The following CHCHD6 variants were observed in gnomAD, a reference collection of about 807,000 sequenced individuals.
The protein encoded by CHCHD6 is coiled-coil-helix-coiled-coil-helix domain containing 6, also known as MICOS complex subunit MIC25.
A neutral mutation model predicts 32.3 loss-of-function variants in CHCHD6; 28 were observed. The observed-to-expected ratio is 0.87, with a 90% CI of 0.64 to 1.19. The LOEUF (loss-of-function observed/expected upper bound fraction) is 1.19. Ranked by LOEUF, CHCHD6 falls within the 50% of genes most tolerant of loss-of-function variation. The pLI, the probability that CHCHD6 is intolerant of heterozygous loss-of-function variation, is 0.00. For synonymous variants in CHCHD6, 122 were observed against 117.5 expected (o/e 1.04, Z -0.25); for missense variants, 333 against 307.0 (o/e 1.08, Z -0.63).
At chr3:126,763,092 T>G (rs926965553) in intron 4 of CHCHD6, among the ~76,000 whole-genome samples, 3 of 152,208 alleles carry the variant, frequency 2.0e-5, no homozygotes, top group Admixed American at 1.3e-4. Context: ...TGTCCCTCAG[T>G]CCTTCATTTC....
chr3:126,899,180 A>G (rs2077884782), intron 5 of CHCHD6, among the ~76,000 whole-genome samples: 1 of 152,208 alleles, frequency 6.6e-6, no homozygotes, highest in Admixed American at 6.5e-5. Flanking sequence ...CAGGTGGCTA[A>G]ATGTTGAGAT....
chr3:126,868,156 C>T (rs925803809), intron 5 of CHCHD6, among the ~76,000 whole-genome samples: 1 of 152,218 alleles, frequency 6.6e-6, no homozygotes, highest in Admixed American at 6.5e-5. Flanking sequence ...GGTGGCATAA[C>T]CTAACTCAGT....
chr3:126,766,284 T>C (rs1193313578), intron 4 of CHCHD6: 1 of 313,316 alleles, frequency 3.2e-6, no homozygotes, highest in African/African-American at 2.1e-5. Context: ...ATTGGATCAC[T>C]TGTAAAATGG....
chr3:126,856,462 C>T (rs1380527265), intron 5 of CHCHD6, among the ~76,000 whole-genome samples: 1 of 152,232 alleles, frequency 6.6e-6, no homozygotes, highest in Non-Finnish European at 1.5e-5. Context: ...AGGTGAGACC[C>T]TCGACTGCTT....
At chr3:126,714,229 A>G (rs1576327386) in intron 1 of CHCHD6, among the ~76,000 whole-genome samples, 2 of 152,044 alleles carry the variant, frequency 1.3e-5, no homozygotes, top group South Asian at 4.2e-4. Context: ...GTGGCTGTGC[A>G]GTCTCATTAC....
chr3:126,953,251 A>C, intron 6 of CHCHD6: 1 of 496,114 alleles, frequency 2.0e-6, no homozygotes, highest in Non-Finnish European at 2.6e-6. Flanking sequence ...GACATCTGCC[A>C]GCTCCTTGTT....
At chr3:126,880,208 A>C (rs1364903285) in intron 5 of CHCHD6, among the ~76,000 whole-genome samples, 4 of 152,276 alleles carry the variant, frequency 2.6e-5, no homozygotes, top group Non-Finnish European at 4.4e-5. Context: ...AAACTCACAG[A>C]AAGGAAGTAG....
chr3:126,793,776 G>T (rs1402185257), intron 4 of CHCHD6, among the ~76,000 whole-genome samples: 2 of 151,968 alleles, frequency 1.3e-5, no homozygotes, highest in Non-Finnish European at 2.9e-5. Flanking sequence ...TTTAACAATT[G>T]GAGCAGGTCT....
chr3:126,776,935 C>G (rs886580059), intron 4 of CHCHD6, among the ~76,000 whole-genome samples: 2 of 152,142 alleles, frequency 1.3e-5, no homozygotes, highest in Admixed American at 6.5e-5. Flanking sequence ...TAGAAAGTGC[C>G]AGAGCTGTAG....
chr3:126,927,949 G>A (rs1206304203), intron 6 of CHCHD6, among the ~76,000 whole-genome samples: 9 of 152,196 alleles, frequency 5.9e-5, no homozygotes, highest in Non-Finnish European at 8.8e-5. Flanking sequence ...CTTTCCATCC[G>A]CAAGGCAGAG....
chr3:126,943,904 G>C (rs901622256), intron 6 of CHCHD6, among the ~76,000 whole-genome samples: 1 of 152,110 alleles, frequency 6.6e-6, no homozygotes, highest in Non-Finnish European at 1.5e-5. Context: ...AAACACTATC[G>C]CAGCTTAAAA....
intron 5 of CHCHD6, among the ~76,000 whole-genome samples, chr3:126,858,228 G>A (rs1387266742): frequency 1.3e-5 from 2 of 148,506 alleles, no homozygotes; most frequent in Non-Finnish European, 3.0e-5. Flanking sequence ...GCACATCTAT[G>A]GTGTTAGCAA....
intron 5 of CHCHD6, among the ~76,000 whole-genome samples, chr3:126,864,012 C>T (rs575110902): frequency 2.0e-4 from 30 of 149,912 alleles, no homozygotes; most frequent in Admixed American, 3.3e-4. Flanking sequence ...CCCCCACTAT[C>T]ACCAACTCCT....
intron 4 of CHCHD6, among the ~76,000 whole-genome samples, chr3:126,735,999 A>G (rs1559813249): frequency 6.6e-6 from 1 of 152,332 alleles, no homozygotes; most frequent in East Asian, 1.9e-4. Flanking sequence ...CTGTAAGTTA[A>G]CAGATAACCA....
At chr3:126,777,716 C>CAATT (rs1348543791) in intron 4 of CHCHD6, among the ~76,000 whole-genome samples, 1 of 152,190 alleles carries the variant, frequency 6.6e-6, no homozygotes, top group African/African-American at 2.4e-5. Context: ...AGAGGAATGG[C>CAATT]AATTGTTCTC....
intron 4 of CHCHD6, among the ~76,000 whole-genome samples, chr3:126,802,788 G>GA (rs1939149795): frequency 6.6e-6 from 1 of 152,148 alleles, no homozygotes. Flanking sequence ...TGAAATGAAT[G>GA]AAAAAATGTT....
chr3:126,728,485 A>G (rs910237302), intron 2 of CHCHD6, among the ~76,000 whole-genome samples: 57 of 152,134 alleles, frequency 3.7e-4, no homozygotes, highest in Non-Finnish European at 5.7e-4. Context: ...GACCCACCCC[A>G]AGATCTTTCT....
chr3:126,806,847 A>G (rs1437094037), intron 4 of CHCHD6, among the ~76,000 whole-genome samples: 3 of 152,070 alleles, frequency 2.0e-5, no homozygotes, highest in East Asian at 3.9e-4. Flanking sequence ...GCACATATAC[A>G]CCATGGAATA....
At chr3:126,834,365 G>A (rs528803360) in intron 4 of CHCHD6, among the ~76,000 whole-genome samples, 28 of 152,252 alleles carry the variant, frequency 1.8e-4, no homozygotes, top group African/African-American at 6.3e-4. Context: ...CTGTTTGGAT[G>A]GAGAGAGAAG....
Sources: allele counts gnomAD v4.1 joint callset (sites outside exome capture counted in the v4.1 genomes callset), GRCh38; gene constraint gnomAD v4.1.1; transcripts MANE v1.5; gene names NCBI Gene and HGNC (gene_info 2026-07-23, HGNC 2026-07-21).